ADGRA3: variants seen among roughly 807,000 people sequenced by gnomAD.
ADGRA3 encodes the protein adhesion G protein-coupled receptor A3.
In ADGRA3, 56 loss-of-function variants were observed where a neutral mutation model predicts 119.8. The ratio of observed to expected loss-of-function variants is 0.47; its 90% CI spans 0.38 to 0.58. ADGRA3 has a LOEUF of 0.58. ADGRA3 is among the 20% of genes least tolerant of loss of function. The pLI, the probability that ADGRA3 is intolerant of heterozygous loss-of-function variation, is 0.00. For synonymous variants in ADGRA3, 607 were observed against 623.8 expected (o/e 0.97, Z 0.40); for missense variants, 1,516 against 1,649.0 (o/e 0.92, Z 1.40).
chr4:22,477,627 A>C (rs1035014566), intron 1 of ADGRA3: 1 of 152,208 alleles, frequency 6.6e-6, no homozygotes, highest in East Asian at 1.9e-4. Flanking sequence ...CACTCACTGC[A>C]ATTCCAGAAT....
chr4:22,399,710 C>T (rs1222263450), intron 16 of ADGRA3, among the ~76,000 whole-genome samples: 1 of 152,172 alleles, frequency 6.6e-6, no homozygotes, highest in African/African-American at 2.4e-5. Context: ...GCTAATACCA[C>T]ACTGGTTTCA....
At chr4:22,450,936 G>GAAA (rs59216994) in intron 4 of ADGRA3, among the ~76,000 whole-genome samples, 34 of 126,070 alleles carry the variant, frequency 2.7e-4, no homozygotes, top group South Asian at 1.3e-3. Flanking sequence ...GGATATAACA[G>GAAA]AAAAAAAAAA....
Position 22,389,103 on chromosome 4 carries a change from C to T in ADGRA3, c.2708G>A (p.Arg903Gln), listed in dbSNP as rs777967328. 14 of 1,613,818 alleles carry T rather than the reference C, an allele frequency of 8.7e-6. No homozygotes were observed. Among genetic ancestry groups the T allele is most frequent in the Admixed American group, 5.0e-5 (3 of 59,996 alleles). The change falls in exon 18 of 19, where the codon CGG becomes CAG. Residue 903 changes from arginine (R) to glutamine (Q), a missense_variant. Coordinates refer to ENST00000334304, the MANE Select transcript of ADGRA3 (RefSeq NM_145290.4). The stretch of plus-strand genomic sequence containing the variant: ...AAATACTCACTAGGGTGCGTTTGGC[C>T]GACTGCCGTAATTCTTAATGTTCGC... ...AAANIKNYGS[R>Q]PNAPYCWMAW...
chr4:22,459,425 G>T (rs1717362248), intron 3 of ADGRA3, among the ~76,000 whole-genome samples: 1 of 151,558 alleles, frequency 6.6e-6, no homozygotes, highest in Admixed American at 6.6e-5. Context: ...CATGGCACAA[G>T]TTTACCTACG....
intron 1 of ADGRA3, among the ~76,000 whole-genome samples, chr4:22,511,895 C>CTTTTTTTTTTTTTTTTTT (rs5856700): frequency 1.9e-5 from 2 of 102,614 alleles, no homozygotes; most frequent in Non-Finnish European, 3.5e-5. Flanking sequence ...TTCTTTCTTT[C>CTTTTTTTTTTTTTTTTTT]TTTTTTTTTT....
At chr4:22,443,437 T>C (rs992493650) in intron 6 of ADGRA3, among the ~76,000 whole-genome samples, 1 of 152,146 alleles carries the variant, frequency 6.6e-6, no homozygotes, top group South Asian at 2.1e-4. Context: ...ACTAGTTCAT[T>C]AAAAGACTTC....
intron 10 of ADGRA3, among the ~76,000 whole-genome samples, chr4:22,425,660 C>T (rs780164738): frequency 2.6e-5 from 4 of 152,162 alleles, no homozygotes; most frequent in African/African-American, 9.7e-5. Context: ...GCCAGAAAGC[C>T]GGGTCTGTCT....
At chr4:22,509,373 T>G (rs565724710) in intron 1 of ADGRA3, among the ~76,000 whole-genome samples, 3 of 151,812 alleles carry the variant, frequency 2.0e-5, no homozygotes, top group East Asian at 2.0e-4. Context: ...CGTGGTGGCG[T>G]GCACCTGTAA....
intron 1 of ADGRA3, among the ~76,000 whole-genome samples, chr4:22,501,310 T>G (rs1719040292): frequency 6.7e-6 from 1 of 148,756 alleles, no homozygotes; most frequent in Non-Finnish European, 1.5e-5. Flanking sequence ...AAGACAAGTG[T>G]TTTCTGAAAT....
intron 2 of ADGRA3, among the ~76,000 whole-genome samples, chr4:22,463,426 G>A (rs1040390264): frequency 6.6e-5 from 10 of 152,092 alleles, no homozygotes; most frequent in African/African-American, 1.2e-4. Flanking sequence ...CAATTGCTCC[G>A]TCATGGCCAT....
intron 3 of ADGRA3, among the ~76,000 whole-genome samples, chr4:22,455,148 T>C (rs1717195200): frequency 1.3e-5 from 2 of 152,230 alleles, no homozygotes; most frequent in South Asian, 4.1e-4. Flanking sequence ...ACAGACTCAA[T>C]GCTGCTCAAT....
At chr4:22,499,133 A>G (rs951576781) in intron 1 of ADGRA3, among the ~76,000 whole-genome samples, 4 of 152,150 alleles carry the variant, frequency 2.6e-5, no homozygotes, top group Non-Finnish European at 2.9e-5. Flanking sequence ...GAACAAGTAA[A>G]CAACCCTCAC....
At chr4:22,451,650 T>A (rs907079426) in intron 4 of ADGRA3, among the ~76,000 whole-genome samples, 6 of 152,000 alleles carry the variant, frequency 3.9e-5, no homozygotes, top group African/African-American at 1.2e-4. Flanking sequence ...AAGCCAAGAC[T>A]TGATCAAAAA....
intron 14 of ADGRA3, among the ~76,000 whole-genome samples, chr4:22,412,767 C>A (rs975155143): frequency 6.6e-5 from 10 of 152,102 alleles, no homozygotes; most frequent in Non-Finnish European, 1.3e-4. Flanking sequence ...TAGAGTCTAA[C>A]AATTACGACA....
intron 7 of ADGRA3, among the ~76,000 whole-genome samples, chr4:22,440,025 G>T (rs1168827937): frequency 6.6e-6 from 1 of 152,058 alleles, no homozygotes; most frequent in Non-Finnish European, 1.5e-5. Flanking sequence ...AATGAGATAT[G>T]TGTGCCTGCT....
intron 17 of ADGRA3, among the ~76,000 whole-genome samples, chr4:22,390,393 TATATATATAAA>T (rs1248079814): frequency 4.7e-4 from 11 of 23,570 alleles, no homozygotes; most frequent in African/African-American, 1.2e-3. Flanking sequence ...ACGTATTATA[TATATATATAAA>T]ATACGTATTA....
intron 16 of ADGRA3, 66 bp from the exon 17 acceptor site, chr4:22,392,756 T>C: frequency 1.4e-6 from 2 of 1,437,220 alleles, no homozygotes; most frequent in Non-Finnish European, 1.9e-6. Flanking sequence ...ACCTCAAAAT[T>C]GGTAAGTAAC....
intron 14 of ADGRA3, among the ~76,000 whole-genome samples, chr4:22,411,873 AC>A (rs1715216183): frequency 6.6e-6 from 1 of 152,010 alleles, no homozygotes; most frequent in Non-Finnish European, 1.5e-5. Flanking sequence ...TAATCCCTTT[AC>A]TCTGATAAAT....
intron 4 of ADGRA3, among the ~76,000 whole-genome samples, chr4:22,449,142 T>C (rs765847695): frequency 6.6e-6 from 1 of 151,716 alleles, no homozygotes; most frequent in African/African-American, 2.4e-5. Context: ...TGGTGGTGTG[T>C]GCTTGTCATC....
Sources: gnomAD v4.1 joint callset for allele counts (sites outside exome capture counted in the v4.1 genomes callset) on GRCh38, gnomAD v4.1.1 for gene constraint, MANE v1.5 for transcripts, NCBI Gene and HGNC (gene_info 2026-07-23, HGNC 2026-07-21) for gene names.